Variants in CORO2A observed in about 807,000 individuals in gnomAD.
The protein encoded by CORO2A is coronin-2A.
CORO2A carries 47 observed loss-of-function variants against 62.4 expected under a neutral mutation model. The observed-to-expected ratio is 0.75, with a 90% CI of 0.60 to 0.96. The LOEUF is 0.96. Ranked by LOEUF, CORO2A falls within the 40% of genes least tolerant of loss-of-function variation. The probability of loss-of-function intolerance (pLI) is 0.00; values close to 1 mark genes in which losing one functional copy is unlikely to be tolerated. For synonymous variants in CORO2A, 273 were observed against 268.9 expected (o/e 1.02, Z -0.15); for missense variants, 610 against 684.1 (o/e 0.89, Z 1.21).
Position 98,157,623 on chromosome 9 carries a change from CG to C in CORO2A, c.37del (p.Arg13ValfsTer31). On this transcript the variant is annotated frameshift_variant, in exon 2 of 12. Coordinates refer to ENST00000375077, the MANE Select transcript of CORO2A (RefSeq NM_052820.4). LOFTEE classifies it high-confidence loss of function. ...GCTGGCTGGTTTGCCAAAGACATGA[CG>C]GAACTTGGAGCTCCGGTACTGGGGG... The part of the protein sequence containing the change: ...WHPQYRSSKF[R>X]HVFGKPASKE... The C allele has an allele frequency of 6.2e-7, 1 of 1,613,844 alleles. No homozygotes were observed.
At chr9:98,186,162 T>C (rs1828236689) in intron 1 of CORO2A, among the ~76,000 whole-genome samples, 5 of 152,346 alleles carry the variant, frequency 3.3e-5, no homozygotes, top group South Asian at 4.1e-4. Context: ...CGATTTCTTA[T>C]TTGAATGAGA....
intron 1 of CORO2A, among the ~76,000 whole-genome samples, chr9:98,187,871 C>T (rs935428167): frequency 4.6e-5 from 7 of 152,226 alleles, no homozygotes; most frequent in Non-Finnish European, 8.8e-5. Flanking sequence ...CATGGCTCCC[C>T]GCTGACCCTG....
intron 2 of CORO2A, among the ~76,000 whole-genome samples, chr9:98,155,342 A>ATTTTTTTTT (rs11379239): frequency 2.0e-5 from 2 of 101,860 alleles, no homozygotes; most frequent in Non-Finnish European, 3.8e-5. Flanking sequence ...TTATTGCTCA[A>ATTTTTTTTT]TTTTTTTTTT....
Position 98,128,624 on chromosome 9 carries a change from T to A in CORO2A, c.1063A>T (p.Met355Leu). 2 of 1,614,136 alleles carry A rather than the reference T, an allele frequency of 1.2e-6. No homozygotes were observed. Reference protein sequence around the residue: ...TTKSLIEPISMIVPRRSESYQ... With the variant: ...TTKSLIEPISLIVPRRSESYQ... ...GCCCTTACCCGCCGGGGCACAATCA[T>A]GGAGATGGGCTCGATGAGGCTTTTG... Residue 355 changes from methionine to leucine, a missense_variant, in exon 9 of 12, where the codon ATG becomes TTG. Met to Leu is a conservative substitution (Grantham distance 15). Transcript: ENST00000375077.
chr9:98,149,972 G>C (rs1368671945), intron 2 of CORO2A, among the ~76,000 whole-genome samples: 1 of 150,232 alleles, frequency 6.7e-6, no homozygotes. Context: ...CTGTTGCCTG[G>C]GCTGGATGGA....
intron 1 of CORO2A, among the ~76,000 whole-genome samples, chr9:98,186,872 G>T (rs1311737827): frequency 2.0e-5 from 3 of 152,104 alleles, no homozygotes; most frequent in African/African-American, 7.2e-5. Flanking sequence ...CTCTCCCCTA[G>T]CACTGAGCTC....
At chr9:98,181,601 T>C (rs1412840423) in intron 1 of CORO2A, among the ~76,000 whole-genome samples, 1 of 152,114 alleles carries the variant, frequency 6.6e-6, no homozygotes, top group African/African-American at 2.4e-5. Flanking sequence ...AGCCTCACCT[T>C]GCCCAGGGAT....
chr9:98,132,983 C>A lies in CORO2A; in HGVS notation c.648+55G>T. 1.5e-5 allele frequency: 24 copies of A among 1,591,914 alleles called. No homozygotes were observed. The South Asian group carries it at 2.4e-4, about 16-fold the overall frequency. On this transcript the variant is annotated intron_variant, in intron 5 of 11. Coordinates refer to ENST00000375077, the MANE Select transcript of CORO2A (RefSeq NM_052820.4). ...CTGTTCTCTGAAGCCTCTCTCTGTCCCCACTCTGCTCCTTGCTCCTCTGAG... is the reference window on the plus strand; with the variant it reads ...CTGTTCTCTGAAGCCTCTCTCTGTCACCACTCTGCTCCTTGCTCCTCTGAG...
At chr9:98,129,063 G>A (rs1409663607) in intron 8 of CORO2A, among the ~76,000 whole-genome samples, 1 of 152,156 alleles carries the variant, frequency 6.6e-6, no homozygotes, top group Non-Finnish European at 1.5e-5. Context: ...GTCCCAAGTA[G>A]CTGGGACCAC....
rs375331830 is a variant in CORO2A, at chr9:98,166,976, C to T, written c.1-9316G>A. ...AAAATTAGCTGGGCATGGTGGCACA[C>T]ACCTGTAGTCCCAGCTACTCGGGAG... On this transcript the variant is annotated intron_variant, in intron 1 of 11. Transcript: ENST00000375077. Among the ~76,000 whole-genome samples, 177 of 151,742 alleles carry T rather than the reference C, an allele frequency of 1.2e-3. 4 individuals are homozygous for T. In the South Asian group the frequency reaches 0.036, roughly 30 times the overall value.
chr9:98,157,599 C>T lies in CORO2A; in HGVS notation c.62G>A (p.Ser21Asn). 2 of 1,614,050 alleles carry T rather than the reference C, an allele frequency of 1.2e-6. No homozygotes were observed. The highest frequency in any genetic ancestry group is 1.3e-5 in the African/African-American group (1 of 75,020). ...KFRHVFGKPA[S>N]KENCYDSVPI... ...CACGGAGTCGTAGCAGTTCTCCTTG[C>T]TGGCTGGTTTGCCAAAGACATGACG... The change falls in exon 2 of 12, where the codon AGC becomes AAC. Residue 21 changes from serine (S) to asparagine (N), a missense_variant. By Grantham distance (46) the Ser-to-Asn change is conservative. Transcript: ENST00000375077.
chr9:98,162,923 C>T (rs921580278), intron 1 of CORO2A, among the ~76,000 whole-genome samples: 7 of 152,352 alleles, frequency 4.6e-5, no homozygotes, highest in African/African-American at 1.4e-4. Context: ...ACAGCCGATT[C>T]GAGCCAGGTC....
chr9:98,186,574 G>T (rs982904208), intron 1 of CORO2A, among the ~76,000 whole-genome samples: 1 of 152,110 alleles, frequency 6.6e-6, no homozygotes, highest in Non-Finnish European at 1.5e-5. Context: ...CTGTTTTCCT[G>T]CCTTTTTCTG....
intron 1 of CORO2A, among the ~76,000 whole-genome samples, chr9:98,181,414 A>G (rs1828176069): frequency 6.7e-6 from 1 of 149,548 alleles, no homozygotes; most frequent in Non-Finnish European, 1.5e-5. Context: ...GGCTTCAAGC[A>G]ATCCTCATGT....
At chr9:98,126,034 C>CT (rs11334821) in intron 11 of CORO2A, among the ~76,000 whole-genome samples, 36 of 113,266 alleles carry the variant, frequency 3.2e-4, no homozygotes, top group South Asian at 2.5e-3. Flanking sequence ...TCCCCACCAT[C>CT]TTTTTTTTTT....
intron 2 of CORO2A, among the ~76,000 whole-genome samples, chr9:98,153,649 AACACACACACACAC>A (rs55685018): frequency 5.4e-4 from 73 of 133,972 alleles, no homozygotes; most frequent in East Asian, 1.9e-3. Flanking sequence ...TCTGTTTCCA[AACACACACACACAC>A]ACACACACAC....
chr9:98,181,456 G>A (rs921214716), intron 1 of CORO2A, among the ~76,000 whole-genome samples: 2 of 151,302 alleles, frequency 1.3e-5, no homozygotes, highest in South Asian at 2.1e-4. Context: ...GATTATAGGC[G>A]TGAGCCTCGG....
intron 5 of CORO2A, 30 bp from the exon 6 acceptor site, chr9:98,132,331 G>T: frequency 6.3e-7 from 1 of 1,582,396 alleles, no homozygotes; most frequent in Non-Finnish European, 8.7e-7. Context: ...CGGTATTGGA[G>T]AGACAGTAGA....
At chr9:98,170,438 C>A (rs1417625253) in intron 1 of CORO2A, among the ~76,000 whole-genome samples, 7 of 152,264 alleles carry the variant, frequency 4.6e-5, no homozygotes, top group East Asian at 1.9e-4. Context: ...AATCCTAATT[C>A]TTTTATTGTT....
Sources: allele counts gnomAD v4.1 joint callset (sites outside exome capture counted in the v4.1 genomes callset), GRCh38; gene constraint gnomAD v4.1.1; transcripts MANE v1.5; gene names NCBI Gene and HGNC (gene_info 2026-07-23, HGNC 2026-07-21).